Variants in BDP1 observed in about 807,000 individuals in gnomAD.
BDP1 encodes the protein BDP1 general transcription factor IIIB subunit.
BDP1 carries 169 observed loss-of-function variants against 266.6 expected under a neutral mutation model. The observed-to-expected ratio is 0.63, with a 90% CI of 0.56 to 0.72. The LOEUF is 0.72. Ranked by LOEUF, BDP1 falls within the 30% of genes least tolerant of loss-of-function variation. BDP1 has a pLI of 0.00. For synonymous variants in BDP1, 1,090 were observed against 1,022.4 expected (o/e 1.07, Z -1.26); for missense variants, 3,015 against 3,053.8 (o/e 0.99, Z 0.30).
At position 71,467,621 on chromosome 5, in the gene BDP1, T is replaced by A. The variant is rs139159538; in HGVS notation, c.919+134T>A. 4.6e-5 allele frequency: 34 copies of A among 732,448 alleles called. No homozygotes were observed. The African/African-American group carries it at 5.5e-4, about 12-fold the overall frequency. 45.4% of individuals were successfully genotyped at this position (732,448 alleles called of 1,614,324 possible). ...TATTCCAGCTAATTTTATTGACACC[T>A]CTATCTTATGCCCTCCATGGAATGG... is the stretch of plus-strand genomic sequence containing the variant. On this transcript the variant is annotated intron_variant, in intron 6 of 38. Transcript: ENST00000358731.
At chr5:71,571,947 T>C (rs1205568105), downstream of BDP1, among the ~76,000 whole-genome samples, 2 of 152,160 alleles carry the variant, frequency 1.3e-5, no homozygotes, top group African/African-American at 4.8e-5. Flanking sequence ...AGCATTCCAC[T>C]GGAGGCTACA....
At chr5:71,457,766 G>T (rs1009610985) in intron 1 of BDP1, among the ~76,000 whole-genome samples, 2 of 152,132 alleles carry the variant, frequency 1.3e-5, no homozygotes, top group African/African-American at 2.4e-5. Context: ...TCCTGGAAAG[G>T]TTATTCTATA....
chr5:71,555,429 A>G (rs565248517), intron 35 of BDP1, among the ~76,000 whole-genome samples: 1 of 149,218 alleles, frequency 6.7e-6, no homozygotes, highest in South Asian at 2.1e-4. Flanking sequence ...GAATTTTTGT[A>G]GTTTTCTTTA....
Position 71,509,567 on chromosome 5 carries a change from A to G in BDP1, c.2475A>G (p.Arg825=). ...KPNIGRGTGR[R]EISSKEEVLE... ...ATATAGGAAGAGGAACTGGAAGGAGAGAAATTTCCTCAAAGGAAGAGGTAC... is the reference window on the plus strand; with the variant it reads ...ATATAGGAAGAGGAACTGGAAGGAGGGAAATTTCCTCAAAGGAAGAGGTAC... The change falls in exon 17 of 39, where the codon AGA becomes AGG. Residue 825 remains arginine (R), a synonymous_variant. Coordinates refer to ENST00000358731, the MANE Select transcript of BDP1 (RefSeq NM_018429.3). The G allele has an allele frequency of 6.2e-7, 1 of 1,613,678 alleles. No homozygotes were observed. Among genetic ancestry groups the G allele is most frequent in the South Asian group, 1.1e-5 (1 of 90,914 alleles).
At chr5:71,502,092 C>T (rs1201910235) in intron 14 of BDP1, among the ~76,000 whole-genome samples, 2 of 151,816 alleles carry the variant, frequency 1.3e-5, no homozygotes, top group Admixed American at 6.6e-5. Context: ...GTATTCTATG[C>T]TTGGCAGATG....
chr5:71,480,255 C>A (rs534506949), intron 7 of BDP1, among the ~76,000 whole-genome samples: 1 of 143,316 alleles, frequency 7.0e-6, no homozygotes, highest in Non-Finnish European at 1.5e-5. Context: ...GGACTACAGG[C>A]GCGCACCACC....
intron 25 of BDP1, among the ~76,000 whole-genome samples, chr5:71,527,701 T>G (rs1432965197): frequency 6.6e-6 from 1 of 152,204 alleles, no homozygotes; most frequent in Non-Finnish European, 1.5e-5. Flanking sequence ...CTTTTGGCTG[T>G]TAGAAATAAT....
In BDP1 at chr5:71,545,230, G is replaced by A; in HGVS notation, c.6744+11G>A. 1 of 1,608,918 alleles carries A rather than the reference G, an allele frequency of 6.2e-7. No homozygotes were observed. Among genetic ancestry groups the A allele is most frequent in the Non-Finnish European group, 8.5e-7 (1 of 1,177,540 alleles). On this transcript the variant is annotated intron_variant, in intron 32 of 38. Transcript: ENST00000358731. ...CTTCCTGTGCCAGAGGTAAAAGAATGTACAGTATAATAAGGGATAGCAAGG... is the reference window on the plus strand; with the variant it reads ...CTTCCTGTGCCAGAGGTAAAAGAATATACAGTATAATAAGGGATAGCAAGG...
At chr5:71,507,362 C>T (rs762374222) in intron 16 of BDP1, among the ~76,000 whole-genome samples, 2 of 152,190 alleles carry the variant, frequency 1.3e-5, no homozygotes, top group Non-Finnish European at 2.9e-5. Flanking sequence ...TACTGCCCTT[C>T]AGTTAATTCT....
chr5:71,546,689 C>A (rs1199756925), intron 32 of BDP1, among the ~76,000 whole-genome samples: 1 of 146,706 alleles, frequency 6.8e-6, no homozygotes, highest in Non-Finnish European at 1.5e-5. Context: ...TCCATAAATA[C>A]CTCATCTTGT....
intron 34 of BDP1, among the ~76,000 whole-genome samples, 175 bp from the exon 35 acceptor site, chr5:71,552,941 T>C (rs1442158362): frequency 6.6e-6 from 1 of 152,212 alleles, no homozygotes; most frequent in Non-Finnish European, 1.5e-5. Context: ...AATAGCATTT[T>C]TGGGGCCATG....
Position 71,510,892 on chromosome 5 carries a change from A to G in BDP1, c.3800A>G (p.Lys1267Arg). The change falls in exon 17 of 39, where the codon AAA becomes AGA. Residue 1267 changes from lysine (K) to arginine (R), a missense_variant. Lys to Arg is a conservative substitution (Grantham distance 26). Coordinates refer to ENST00000358731, the MANE Select transcript of BDP1 (RefSeq NM_018429.3). ...AAAAGAGACATTCCCATCATGGAGA[A>G]AGTATCAGGAAAGATGGCTGTTGTT... ...TGKRDIPIME[K>R]VSGKMAVVEE... 1 of 1,613,814 alleles carries G rather than the reference A, an allele frequency of 6.2e-7. No individual in the cohort carries two copies. The highest frequency in any genetic ancestry group is 8.5e-7 in the Non-Finnish European group (1 of 1,179,790).
At chr5:71,463,718 C>T (rs532540103) in intron 3 of BDP1, among the ~76,000 whole-genome samples, 2 of 151,440 alleles carry the variant, frequency 1.3e-5, no homozygotes, top group South Asian at 2.1e-4. Flanking sequence ...GTCCCAGCTA[C>T]GTGGGAGGCT....
intron 4 of BDP1, among the ~76,000 whole-genome samples, chr5:71,465,065 A>T (rs770977238): frequency 2.9e-4 from 44 of 151,776 alleles, no homozygotes; most frequent in Middle Eastern, 3.4e-3. Context: ...ATAAGGTTTC[A>T]CTATGTCGCC....
chr5:71,489,629 T>C lies in BDP1; in HGVS notation c.1439T>C (p.Leu480Pro), dbSNP rs373542477. The C allele has an allele frequency of 6.2e-7, 1 of 1,614,068 alleles. No homozygotes were observed. The highest frequency in any genetic ancestry group is 8.5e-7 in the Non-Finnish European group (1 of 1,179,976). The part of the protein sequence containing the change: ...DGANELGVNN[L>P]LENATVQAGP... ...GCTAATGAACTGGGAGTAAACAATC[T>C]TTTAGAAAATGCCACTGTTCAGGCG... is the stretch of plus-strand genomic sequence containing the variant. The change falls in exon 10 of 39, where the codon CTT (leucine) becomes CCT (proline). Residue 480 changes from leucine to proline, a missense_variant. By Grantham distance (98) the Leu-to-Pro change is moderately conservative (BLOSUM62 -3). Coordinates refer to ENST00000358731, the MANE Select transcript of BDP1 (RefSeq NM_018429.3).
chr5:71,527,716 G>A (rs1765977358), intron 25 of BDP1, among the ~76,000 whole-genome samples: 1 of 151,984 alleles, frequency 6.6e-6, no homozygotes, highest in South Asian at 2.1e-4. Context: ...AATAATGCTG[G>A]TATGAACATA....
chr5:71,526,844 C>T (rs1033623744), intron 25 of BDP1, among the ~76,000 whole-genome samples: 1 of 151,772 alleles, frequency 6.6e-6, no homozygotes, highest in African/African-American at 2.4e-5. Context: ...CACCACCAAG[C>T]CTGATTAATT....
chr5:71,556,819 G>A (rs1293517661), intron 35 of BDP1, 67 bp from the exon 36 acceptor site: 4 of 730,762 alleles, frequency 5.5e-6, no homozygotes, highest in Non-Finnish European at 8.6e-6. Context: ...AGAAAAAAAG[G>A]AAATAAAATT....
At chr5:71,489,341 C>T (rs1763447876) in intron 9 of BDP1, 63 bp from the exon 10 acceptor site, 1 of 1,282,042 alleles carries the variant, frequency 7.8e-7, no homozygotes, top group East Asian at 2.4e-5. Context: ...GAGTCTCTTT[C>T]CCACCTTTAC....
Sources: gnomAD v4.1 joint callset for allele counts (sites outside exome capture counted in the v4.1 genomes callset) on GRCh38, gnomAD v4.1.1 for gene constraint, MANE v1.5 for transcripts, NCBI Gene and HGNC (gene_info 2026-07-23, HGNC 2026-07-21) for gene names.